The following CYP2C8 variants were observed in gnomAD, a reference collection of about 807,000 sequenced individuals.
CYP2C8 encodes cytochrome P450 2C8.
In CYP2C8, 51 loss-of-function variants were observed where a neutral mutation model predicts 41.3. The observed-to-expected ratio is 1.24, with a 90% CI of 0.99 to 1.56. The LOEUF (loss-of-function observed/expected upper bound fraction) is 1.56. Among genes scored for constraint, CYP2C8 ranks in the 40% most tolerant of loss-of-function variants. The probability of loss-of-function intolerance (pLI) is 0.00; values close to 1 mark genes in which losing one functional copy is unlikely to be tolerated. For missense variants in CYP2C8, 651 were observed against 579.9 expected (o/e 1.12, Z -1.26); for synonymous variants, 218 against 205.8 (o/e 1.06, Z -0.51).
chr10:95,048,805 C>G (rs1293200464), intron 5 of CYP2C8, among the ~76,000 whole-genome samples: 1 of 152,064 alleles, frequency 6.6e-6, no homozygotes, highest in Non-Finnish European at 1.5e-5. Context: ...TATATCTCAC[C>G]ACATACAAAA....
intron 5 of CYP2C8, among the ~76,000 whole-genome samples, chr10:95,050,359 G>T (rs921614366): frequency 3.9e-5 from 6 of 152,180 alleles, no homozygotes; most frequent in African/African-American, 1.4e-4. Flanking sequence ...TCACTGAAGG[G>T]AAGGACACAG....
intron 7 of CYP2C8, chr10:95,039,480 G>GCA (rs1378837112): frequency 1.7e-5 from 3 of 174,214 alleles, no homozygotes; most frequent in African/African-American, 7.2e-5. Context: ...TGTCATCTGG[G>GCA]ATGACAACCA....
intron 5 of CYP2C8, among the ~76,000 whole-genome samples, chr10:95,052,795 C>T (rs1352087994): frequency 2.6e-5 from 4 of 152,098 alleles, no homozygotes; most frequent in Non-Finnish European, 5.9e-5. Context: ...GAACATACCT[C>T]ACCATAGTAA....
chr10:95,045,976 C>A (rs1225118279), intron 5 of CYP2C8, 25 bp from the exon 6 acceptor site: 1 of 1,613,258 alleles, frequency 6.2e-7, no homozygotes, highest in Non-Finnish European at 8.5e-7. Context: ...ATGCAATTAT[C>A]TGACAAATTA....
At position 95,036,856 on chromosome 10, in the gene CYP2C8, T is replaced by A; in HGVS notation, c.*272A>T. 1 of 434,628 alleles carries A rather than the reference T, an allele frequency of 2.3e-6. No individual in the cohort carries two copies. Among genetic ancestry groups the A allele is most frequent in the Non-Finnish European group, 4.2e-6 (1 of 238,344 alleles). The allele number at this position is 434,628 out of a possible 1,614,324, so 26.9% of individuals were successfully genotyped here. A position where few individuals can be genotyped will look rare whatever the true frequency, so the allele number is the denominator to read the frequency against. ...TTATCATTCATTAATCACTTTTCTG[T>A]GTTTTACAGTGATAACATATTAAAA... On this transcript the variant is annotated 3_prime_UTR_variant, in exon 9 of 9. Transcript: ENST00000371270.
intron 7 of CYP2C8, among the ~76,000 whole-genome samples, chr10:95,040,043 C>A (rs2032963835): frequency 6.6e-6 from 1 of 151,840 alleles, no homozygotes; most frequent in Non-Finnish European, 1.5e-5. Flanking sequence ...GTGAAAAGGT[C>A]AACATAAATG....
chr10:95,038,704 T>C (rs1464248225), intron 8 of CYP2C8, among the ~76,000 whole-genome samples, 193 bp downstream of exon 8: 1 of 152,158 alleles, frequency 6.6e-6, no homozygotes, highest in Non-Finnish European at 1.5e-5. Flanking sequence ...AGTTAACTCC[T>C]GCAAGCCCCG....
intron 5 of CYP2C8, among the ~76,000 whole-genome samples, chr10:95,046,927 A>G (rs1456039979): frequency 6.6e-6 from 1 of 152,108 alleles, no homozygotes; most frequent in East Asian, 1.9e-4. Flanking sequence ...TCTTTTGTTG[A>G]AACTTAATCC....
intron 7 of CYP2C8, among the ~76,000 whole-genome samples, chr10:95,042,223 A>T (rs2036397586): frequency 6.6e-6 from 1 of 152,228 alleles, no homozygotes; most frequent in Non-Finnish European, 1.5e-5. Context: ...AGACAAAATC[A>T]TTGGAAAATA....
intron 1 of CYP2C8, 80 bp downstream of exon 1, chr10:95,069,155 C>T (rs556179719): frequency 1.4e-5 from 20 of 1,469,488 alleles, no homozygotes; most frequent in Non-Finnish European, 1.9e-5. Context: ...AGTGTGCTTC[C>T]AGGAATATAT....
At chr10:95,055,032 ATTG>A (rs1401381199) in intron 5 of CYP2C8, among the ~76,000 whole-genome samples, 1 of 152,138 alleles carries the variant, frequency 6.6e-6, no homozygotes, top group African/African-American at 2.4e-5. Context: ...AAGACTTAAA[ATTG>A]TTAAGATGGC....
In CYP2C8 at chr10:95,037,154, A is replaced by G. The variant is rs757657903; in HGVS notation, c.1447T>C (p.Tyr483His). Reference protein sequence around the residue: ...TKGIVSLPPSYQICFIPV With the variant: ...TKGIVSLPPSHQICFIPV Reference sequence around the variant, plus strand: ...CAGACAGGGATGAAGCAGATCTGGTATGAGGGTGGCAGAGAAACAATCCCT... The same window carrying G: ...CAGACAGGGATGAAGCAGATCTGGTGTGAGGGTGGCAGAGAAACAATCCCT... The change falls in exon 9 of 9, where the codon TAC (tyrosine) becomes CAC (histidine). Residue 483 changes from tyrosine (Y) to histidine (H), a missense_variant. By Grantham distance (83) the Tyr-to-His change is moderately conservative (BLOSUM62 2). Coordinates refer to ENST00000371270, the MANE Select transcript of CYP2C8 (RefSeq NM_000770.3). 3 of 1,613,858 alleles carry G rather than the reference A, an allele frequency of 1.9e-6. No individual in the cohort carries two copies. The highest frequency in any genetic ancestry group is 1.7e-6 in the Non-Finnish European group (2 of 1,179,868).
chr10:95,069,435 A>C lies in CYP2C8; in HGVS notation c.-33T>G. 1.3e-6 allele frequency: 2 copies of C among 1,594,946 alleles called. No homozygotes were observed. The highest frequency in any genetic ancestry group is 4.5e-5 in the East Asian group (2 of 44,774). On this transcript the variant is annotated 5_prime_UTR_variant, in exon 1 of 9. Transcript: ENST00000371270. ...TTCTCTTCTTATTAAGACAGCTGTG[A>C]GCTTGCACTCCAAAGTTTTTATAAC...
chr10:95,047,705 CAAGGCCA>C (rs1006716161), intron 5 of CYP2C8, among the ~76,000 whole-genome samples: 2 of 152,052 alleles, frequency 1.3e-5, no homozygotes, highest in African/African-American at 4.8e-5. Flanking sequence ...ATGCAAATGC[CAAGGCCA>C]AGGGACTAAT....
intron 8 of CYP2C8, 137 bp from the exon 9 acceptor site, chr10:95,037,446 A>C: frequency 1.4e-6 from 1 of 734,822 alleles, no homozygotes; most frequent in Non-Finnish European, 2.4e-6. Context: ...GAACATGTGG[A>C]TGAATGGATG....
chr10:95,060,708 C>A (rs184779155), intron 4 of CYP2C8, among the ~76,000 whole-genome samples: 19 of 152,260 alleles, frequency 1.2e-4, no homozygotes, highest in African/African-American at 4.3e-4. Context: ...GAGAGGGCAT[C>A]CCTGTCTTGT....
At chr10:95,063,375 T>C (rs1340303251) in intron 4 of CYP2C8, among the ~76,000 whole-genome samples, 1 of 152,252 alleles carries the variant, frequency 6.6e-6, no homozygotes, top group Non-Finnish European at 1.5e-5. Flanking sequence ...TCTTCTCGCT[T>C]CATTTCATTT....
chr10:95,038,914 A>T lies in CYP2C8; in HGVS notation c.1274T>A (p.Phe425Tyr). 1.2e-6 allele frequency: 2 copies of T among 1,613,958 alleles called. No homozygotes were observed. Among genetic ancestry groups the T allele is most frequent in the Non-Finnish European group, 1.7e-6 (2 of 1,179,802 alleles). The change falls in exon 8 of 9, where the codon TTC becomes TAC. Residue 425 changes from phenylalanine to tyrosine, a missense_variant. By Grantham distance (22) the Phe-to-Tyr change is conservative. Transcript: ENST00000371270. ...TCTATTACCTGCTGAGAAAGGCATG[A>T]AGTAGTCACTTTTCTTAAAGTTGCC... ...KNGNFKKSDYFMPFSAGKRIC... is the reference protein window; with the variant it reads ...KNGNFKKSDYYMPFSAGKRIC...
At chr10:95,043,251 C>A (rs1371312237) in intron 6 of CYP2C8, among the ~76,000 whole-genome samples, 174 bp from the exon 7 acceptor site, 3 of 152,152 alleles carry the variant, frequency 2.0e-5, no homozygotes, top group Non-Finnish European at 2.9e-5. Context: ...TAGATACATA[C>A]CACTCTCCTA....
Sources: gnomAD v4.1 joint callset for allele counts (sites outside exome capture counted in the v4.1 genomes callset) on GRCh38, gnomAD v4.1.1 for gene constraint, MANE v1.5 for transcripts, NCBI Gene and HGNC (gene_info 2026-07-23, HGNC 2026-07-21) for gene names.